The following PPHLN1 variants were observed in gnomAD, a reference collection of about 807,000 sequenced individuals.
The protein encoded by PPHLN1 is periphilin-1.
PPHLN1 carries 29 observed loss-of-function variants against 51.3 expected under a neutral mutation model. The observed-to-expected ratio is 0.57, with a 90% CI of 0.42 to 0.77. PPHLN1 has a LOEUF of 0.77. Among genes scored for constraint, PPHLN1 ranks in the 30% least tolerant of loss-of-function variants. The probability of loss-of-function intolerance (pLI) is 0.00; values close to 1 mark genes in which losing one functional copy is unlikely to be tolerated. For synonymous variants in PPHLN1, 147 were observed against 147.8 expected, an observed-to-expected ratio of 0.99 and a Z score of 0.04; for missense variants, 436 against 438.4, an observed-to-expected ratio of 0.99 and a Z score of 0.05.
chr12:42,420,433 T>C (rs1284198261), intron 9 of PPHLN1, among the ~76,000 whole-genome samples: 1 of 152,076 alleles, frequency 6.6e-6, no homozygotes, highest in Non-Finnish European at 1.5e-5. Context: ...TGGCAGAAAT[T>C]GTATGACTGT....
intron 9 of PPHLN1, among the ~76,000 whole-genome samples, chr12:42,422,521 CTA>C (rs1284612960): frequency 4.6e-5 from 7 of 152,192 alleles, no homozygotes; most frequent in Non-Finnish European, 8.8e-5. Context: ...TTCAGCACTG[CTA>C]AAACAAAGAT....
chr12:42,391,658 G>T (rs1195828485), intron 7 of PPHLN1, among the ~76,000 whole-genome samples: 2 of 151,832 alleles, frequency 1.3e-5, no homozygotes, highest in Non-Finnish European at 1.5e-5. Context: ...GGATATATTT[G>T]TGTTTGTATA....
intron 2 of PPHLN1, among the ~76,000 whole-genome samples, chr12:42,346,385 G>A (rs767095540): frequency 6.6e-6 from 1 of 151,788 alleles, no homozygotes; most frequent in Admixed American, 6.6e-5. Flanking sequence ...TGTCCTTCGG[G>A]TATATCCATG....
At position 42,329,108 on chromosome 12, in the gene PPHLN1, T is replaced by TGTG. The variant is rs763955228; in HGVS notation, c.-21+2879_-21+2880insGTG. 4.0e-4 allele frequency among the ~76,000 whole-genome samples: 50 copies of TGTG among 125,052 alleles called. 1 individual carries two copies. Among genetic ancestry groups the TGTG allele is most frequent in the Non-Finnish European group, 6.6e-4 (38 of 57,320 alleles). The allele number at this position is 125,052 out of a possible 152,430, so 82.0% of individuals were successfully genotyped here. ...CTGGAATTTCAATTTTTTTTTTTTT[T>TGTG]TGTGTGTGTGTGTGACGGAGTCTCA... On this transcript the variant is annotated intron_variant, in intron 1 of 9. Coordinates refer to ENST00000358314, the MANE Select transcript of PPHLN1 (RefSeq NM_201439.2).
In PPHLN1 at chr12:42,332,577, A is replaced by G. The variant is rs1337255007; in HGVS notation, c.-20-3306A>G. 5.4e-6 allele frequency: 5 copies of G among 925,668 alleles called. No homozygotes were observed. In the African/African-American group the frequency reaches 8.3e-5, roughly 15 times the overall value. The allele number at this position is 925,668 out of a possible 1,614,324, so 57.3% of individuals were successfully genotyped here. A position where few individuals can be genotyped will look rare whatever the true frequency, so the allele number is the denominator to read the frequency against. ...TTGGCCTGAGAGTTCTGTTTATACA[A>G]TTAATGAAGATTTAATTATTTCTCT... is the stretch of plus-strand genomic sequence containing the variant. On this transcript the variant is annotated intron_variant, in intron 1 of 9. Transcript: ENST00000358314.
In PPHLN1 at chr12:42,387,523, T is replaced by G; in HGVS notation, c.636T>G (p.Val212=). 2 of 1,612,920 alleles carry G rather than the reference T, an allele frequency of 1.2e-6. No individual in the cohort carries two copies. The highest frequency in any genetic ancestry group is 1.7e-6 in the Non-Finnish European group (2 of 1,179,548). The change falls in exon 7 of 10, where the codon GTT becomes GTG. Residue 212 remains valine, a synonymous_variant. Transcript: ENST00000358314. ...CTTCACCCTCAAGTGGTTCAGCAGT[T>G]TCTTCATCAAAGGTTTGTTATATTT... ...RDTSPSSGSA[V]SSSKVLDKPS... is the part of the protein sequence containing the mutation.
intron 9 of PPHLN1, among the ~76,000 whole-genome samples, chr12:42,440,848 A>G (rs1388439555): frequency 6.6e-6 from 1 of 152,230 alleles, no homozygotes; most frequent in Non-Finnish European, 1.5e-5. Context: ...CAAATTGCTA[A>G]GCTAACAGGT....
rs1293786964 is a variant in PPHLN1, at chr12:42,356,753, T to C, written c.299+1531T>C. Reference sequence around the variant, plus strand: ...CCGGGTAATTGGGCATTTGCTGTACTGAATGGTAAAATTAGAAACATTTGC... The same window carrying C: ...CCGGGTAATTGGGCATTTGCTGTACCGAATGGTAAAATTAGAAACATTTGC... On this transcript the variant is annotated intron_variant, in intron 4 of 9. Transcript: ENST00000358314. Among the ~76,000 whole-genome samples the C allele has an allele frequency of 3.9e-5, 6 of 152,334 alleles. No homozygotes were observed. In the East Asian group the frequency reaches 9.6e-4, roughly 24 times the overall value.
intron 5 of PPHLN1, 122 bp downstream of exon 5, chr12:42,375,196 A>G (rs2076151735): frequency 1.3e-6 from 1 of 778,290 alleles, no homozygotes; most frequent in African/African-American, 1.8e-5. Context: ...GAAAAATTTC[A>G]AACTTACAGA....
intron 5 of PPHLN1, among the ~76,000 whole-genome samples, chr12:42,381,274 G>A (rs1565887307): frequency 1.3e-5 from 2 of 152,144 alleles, no homozygotes; most frequent in Non-Finnish European, 2.9e-5. Flanking sequence ...TAGCTTTTCT[G>A]GCATCTTAAT....
At chr12:42,401,317 A>G (rs2078824687) in intron 9 of PPHLN1, among the ~76,000 whole-genome samples, 1 of 152,202 alleles carries the variant, frequency 6.6e-6, no homozygotes, top group African/African-American at 2.4e-5. Flanking sequence ...TAAATGAGAA[A>G]AGAACAAGTA....
At chr12:42,401,612 T>C (rs531630606) in intron 9 of PPHLN1, among the ~76,000 whole-genome samples, 1 of 152,144 alleles carries the variant, frequency 6.6e-6, no homozygotes, top group South Asian at 2.1e-4. Flanking sequence ...CAGACCCTAT[T>C]GTGAACTGCA....
At chr12:42,352,517 C>T (rs1397762209) in intron 3 of PPHLN1, among the ~76,000 whole-genome samples, 1 of 151,304 alleles carries the variant, frequency 6.6e-6, no homozygotes, top group African/African-American at 2.4e-5. Flanking sequence ...TCAAGTGATT[C>T]TCCTGCCTCA....
chr12:42,444,237 T>C (rs1022062133), downstream of PPHLN1: 12 of 151,964 alleles, frequency 7.9e-5, no homozygotes, highest in Admixed American at 5.2e-4. Context: ...TACTAGCAAC[T>C]AACATACCTT....
At chr12:42,344,395 G>C (rs1229317534) in intron 2 of PPHLN1, among the ~76,000 whole-genome samples, 1 of 152,150 alleles carries the variant, frequency 6.6e-6, no homozygotes, top group Non-Finnish European at 1.5e-5. Context: ...TCGACTATCA[G>C]CTTCATTGCC....
chr12:42,343,577 A>C (rs1387418408), intron 2 of PPHLN1, among the ~76,000 whole-genome samples: 2 of 152,202 alleles, frequency 1.3e-5, no homozygotes, highest in African/African-American at 4.8e-5. Context: ...TATTAGCTAG[A>C]GTGCAATTTT....
rs770717407 is a variant in PPHLN1, at chr12:42,398,856, G to A, written c.771G>A (p.Ala257=). 4.7e-5 allele frequency: 75 copies of A among 1,611,658 alleles called. No homozygotes were observed. The highest frequency in any genetic ancestry group is 1.9e-4 in the South Asian group (17 of 90,714). ...AAGATTTCTAATTCCTTTTCAAGGC[G>A]GGATCCACAGCACCATTGTTTACTG... ...SNLPEISEYE[A]GSTAPLFTDQ... Residue 257 remains alanine, a splice_region_variant and synonymous_variant, in exon 9 of 10, where the codon GCG becomes GCA. Transcript: ENST00000358314.
intron 1 of PPHLN1, among the ~76,000 whole-genome samples, chr12:42,332,456 G>C (rs2069898867): frequency 6.6e-6 from 1 of 152,162 alleles, no homozygotes; most frequent in Non-Finnish European, 1.5e-5. Flanking sequence ...TCTAGGACTA[G>C]AATTCTGTTA....
rs576106382 is a variant in PPHLN1 at position 42,414,529 on chromosome 12, T to G, written c.909+15535T>G. ...TCCTAGGTATTTTATTTTATTTTAT[T>G]TTTTTGCAGCTATTGTAAAAGGATT... On this transcript the variant is annotated intron_variant, in intron 9 of 9. Transcript: ENST00000358314. 4.9e-5 allele frequency among the ~76,000 whole-genome samples: 7 copies of G among 143,874 alleles called. No individual in the cohort carries two copies. In the South Asian group the frequency reaches 1.3e-3, roughly 27 times the overall value. 94.4% of individuals were successfully genotyped at this position (143,874 alleles called of 152,430 possible).
Sources: gnomAD v4.1 joint callset for allele counts (sites outside exome capture counted in the v4.1 genomes callset) on GRCh38, gnomAD v4.1.1 for gene constraint, MANE v1.5 for transcripts, NCBI Gene and HGNC (gene_info 2026-07-23, HGNC 2026-07-21) for gene names.